Variants in PATJ observed in about 807,000 individuals in gnomAD.
PATJ encodes PATJ crumbs cell polarity complex component.
In PATJ, 190 loss-of-function variants were observed where a neutral mutation model predicts 224.9. That is an observed-to-expected ratio of 0.84 (90% CI 0.75 to 0.95). PATJ has a LOEUF of 0.95. PATJ is among the 40% of genes least tolerant of loss of function. The pLI, the probability that PATJ is intolerant of heterozygous loss-of-function variation, is 0.00. For missense variants in PATJ, 2,121 were observed against 2,270.3 expected (o/e 0.93, Z 1.34); for synonymous variants, 769 against 820.3 (o/e 0.94, Z 1.07).
At chr1:61,914,768 T>G (rs1258813263) in intron 26 of PATJ, 104 bp downstream of exon 26, 2 of 595,580 alleles carry the variant, frequency 3.4e-6, no homozygotes, top group Admixed American at 6.0e-5. Flanking sequence ...TGAGTGTCAG[T>G]GTTGTAGGAG....
At chr1:61,973,710 T>C (rs989583722) in intron 27 of PATJ, among the ~76,000 whole-genome samples, 5 of 151,978 alleles carry the variant, frequency 3.3e-5, no homozygotes, top group African/African-American at 4.8e-5. Flanking sequence ...AACTCACCAC[T>C]TTCATAGTGA....
chr1:62,065,848 G>A (rs1223819415), intron 31 of PATJ, among the ~76,000 whole-genome samples: 1 of 152,124 alleles, frequency 6.6e-6, no homozygotes, highest in African/African-American at 2.4e-5. Context: ...TTCTCACACC[G>A]GTCACATCCC....
At chr1:61,852,656 GTC>G (rs1663021316) in intron 17 of PATJ, 7 of 152,152 alleles carry the variant, frequency 4.6e-5, no homozygotes, top group Admixed American at 4.6e-4. Context: ...TTTGAGAAGT[GTC>G]TCTATAACAT....
intron 32 of PATJ, 91 bp downstream of exon 32, chr1:62,079,658 G>T: frequency 1.2e-6 from 1 of 804,554 alleles, no homozygotes; most frequent in Non-Finnish European, 2.1e-6. Flanking sequence ...GGACCAGGAG[G>T]CAGAAGTCTG....
chr1:61,866,988 T>C (rs538142106), intron 20 of PATJ, among the ~76,000 whole-genome samples: 3 of 152,336 alleles, frequency 2.0e-5, no homozygotes, highest in Non-Finnish European at 4.4e-5. Flanking sequence ...GGTGGGAGTG[T>C]AGCAGTGAGG....
At chr1:61,954,773 A>G (rs942404732) in intron 27 of PATJ, among the ~76,000 whole-genome samples, 1 of 107,060 alleles carries the variant, frequency 9.3e-6, no homozygotes, top group Non-Finnish European at 1.9e-5. Context: ...TTTTTTTTTG[A>G]GACAGAGTCT....
chr1:62,106,158 G>GTGTGTGTGTATATATATATATA (rs1356937495), intron 33 of PATJ, among the ~76,000 whole-genome samples: 1 of 48,062 alleles, frequency 2.1e-5, no homozygotes, highest in Non-Finnish European at 4.4e-5. Context: ...GTGTGTGTGT[G>GTGTGTGTGTATATATATATATA]TATATATATA....
chr1:61,983,552 T>C (rs1644565062), intron 27 of PATJ, among the ~76,000 whole-genome samples: 1 of 152,164 alleles, frequency 6.6e-6, no homozygotes, highest in East Asian at 1.9e-4. Context: ...TGTATCTGTC[T>C]AAAGCTTTTA....
In PATJ at chr1:62,036,206, TG is replaced by T. The variant is rs1416647720; in HGVS notation, c.3960-1768del. 2.0e-5 allele frequency among the ~76,000 whole-genome samples: 3 copies of T among 152,126 alleles called. No individual in the cohort carries two copies. In the East Asian group the frequency reaches 5.8e-4, roughly 29 times the overall value. ...CATAATAACTTTGCTGGGTGGAGAA[TG>T]GGTTGGAGAGAAGATGTAACTGGGT... is the stretch of plus-strand genomic sequence containing the variant. On this transcript the variant is annotated intron_variant, in intron 29 of 43. Transcript: ENST00000642238.
chr1:61,990,180 A>G lies in PATJ; in HGVS notation c.3683A>G (p.Gln1228Arg), dbSNP rs769181864. The change falls in exon 28 of 44, where the codon CAA becomes CGA. Residue 1228 changes from glutamine to arginine, a missense_variant. By Grantham distance (43) the Gln-to-Arg change is conservative (BLOSUM62 1). Transcript: ENST00000642238. ...ATTCTTTTAATAGAAAAAATCAGAC[A>G]AAGATATGCAGATCTGCCTGGAGAA... ...EDAFTDQKIR[Q>R]RYADLPGELH... 16 of 1,595,452 alleles carry G rather than the reference A, an allele frequency of 1.0e-5. No individual in the cohort carries two copies. In the South Asian group the frequency reaches 1.4e-4, roughly 14 times the overall value.
intron 31 of PATJ, among the ~76,000 whole-genome samples, chr1:62,074,307 T>C (rs371126962): frequency 1.3e-5 from 2 of 151,870 alleles, no homozygotes; most frequent in Non-Finnish European, 2.9e-5. Flanking sequence ...TGTATACATA[T>C]GTAACAAACC....
intron 27 of PATJ, among the ~76,000 whole-genome samples, chr1:61,931,506 G>A (rs1403532379): frequency 6.6e-6 from 1 of 152,216 alleles, no homozygotes; most frequent in Non-Finnish European, 1.5e-5. Flanking sequence ...GCTCACGCCT[G>A]TGATCCCAGC....
chr1:61,988,079 A>C (rs1307240168), intron 27 of PATJ, among the ~76,000 whole-genome samples: 5 of 152,084 alleles, frequency 3.3e-5, no homozygotes, highest in Non-Finnish European at 7.4e-5. Flanking sequence ...CACTCCTGTG[A>C]TCCCAGCTAC....
At chr1:61,880,980 G>A (rs1334616451) in intron 21 of PATJ, among the ~76,000 whole-genome samples, 2 of 152,190 alleles carry the variant, frequency 1.3e-5, no homozygotes, top group Admixed American at 6.5e-5. Context: ...TGTAATCTCA[G>A]CTACTCAGGT....
chr1:61,767,050 G>A (rs1377175496), intron 4 of PATJ, among the ~76,000 whole-genome samples: 1 of 152,058 alleles, frequency 6.6e-6, no homozygotes, highest in East Asian at 1.9e-4. Flanking sequence ...CCGAGATTGC[G>A]CCACTGTACT....
intron 27 of PATJ, among the ~76,000 whole-genome samples, chr1:61,928,301 A>T (rs1415454133): frequency 2.0e-5 from 3 of 152,208 alleles, no homozygotes; most frequent in Admixed American, 6.5e-5. Flanking sequence ...GCATTCATAC[A>T]TATATTTAAC....
At chr1:61,854,433 T>C (rs374041214) in intron 17 of PATJ, among the ~76,000 whole-genome samples, 5 of 152,180 alleles carry the variant, frequency 3.3e-5, no homozygotes, top group African/African-American at 1.2e-4. Flanking sequence ...CCTCCACCAT[T>C]AAGACAAATT....
chr1:61,756,563 CTTTTTT>C (rs370667808), intron 1 of PATJ, among the ~76,000 whole-genome samples: 6 of 65,622 alleles, frequency 9.1e-5, no homozygotes, highest in African/African-American at 2.6e-4. Flanking sequence ...AACCAGGACA[CTTTTTT>C]TTTTTTTTTT....
chr1:61,896,337 A>G (rs1172634854), intron 22 of PATJ, among the ~76,000 whole-genome samples: 2 of 151,692 alleles, frequency 1.3e-5, no homozygotes, highest in African/African-American at 4.8e-5. Context: ...TAGGTTTTGG[A>G]CTTACATGGG....
Sources: allele counts gnomAD v4.1 joint callset (sites outside exome capture counted in the v4.1 genomes callset), GRCh38; gene constraint gnomAD v4.1.1; transcripts MANE v1.5; gene names NCBI Gene and HGNC (gene_info 2026-07-23, HGNC 2026-07-21).